SLC4A4: variants seen among roughly 807,000 people sequenced by gnomAD.
SLC4A4 encodes the protein electrogenic sodium bicarbonate cotransporter 1.
SLC4A4 carries 27 observed loss-of-function variants against 111.5 expected under a neutral mutation model. The ratio of observed to expected loss-of-function variants is 0.24; its 90% CI spans 0.18 to 0.33. The LOEUF (loss-of-function observed/expected upper bound fraction) is 0.33, where lower values mean the gene tolerates loss of function less well. Among genes scored for constraint, SLC4A4 ranks in the 10% least tolerant of loss-of-function variants. The pLI is 1.00. For missense variants in SLC4A4, 909 were observed against 1,315.5 expected (o/e 0.69, Z 4.78); for synonymous variants, 443 against 463.4 (o/e 0.96, Z 0.57).
chr4:71,560,381 T>A (rs893713315), intron 23 of SLC4A4, 127 bp downstream of exon 23: 2 of 1,088,946 alleles, frequency 1.8e-6, no homozygotes, highest in Admixed American at 2.2e-5. Flanking sequence ...ATGTGGTGTA[T>A]TACTCATTTC....
intron 1 of SLC4A4, among the ~76,000 whole-genome samples, chr4:71,084,982 TAA>T (rs1742116022): frequency 3.3e-5 from 5 of 152,238 alleles, no homozygotes; most frequent in Non-Finnish European, 5.9e-5. Flanking sequence ...ATCGCCACAC[TAA>T]CTTCCACAAT....
upstream of SLC4A4, among the ~76,000 whole-genome samples, chr4:71,186,475 G>T (rs139926501): frequency 1.3e-3 from 192 of 152,286 alleles, 1 homozygote; most frequent in African/African-American, 4.4e-3. Flanking sequence ...CAAAAAGCTG[G>T]ACCTAGGACC....
chr4:71,181,253 A>G (rs577743010), intron 2 of SLC4A4, among the ~76,000 whole-genome samples: 25 of 151,280 alleles, frequency 1.7e-4, no homozygotes, highest in Middle Eastern at 3.4e-3. Flanking sequence ...ATTAGGAGAT[A>G]TATCTAATGT....
At chr4:71,285,974 C>T (rs905559113) in intron 3 of SLC4A4, among the ~76,000 whole-genome samples, 8 of 152,144 alleles carry the variant, frequency 5.3e-5, no homozygotes, top group African/African-American at 1.9e-4. Context: ...CGCAGTGGTT[C>T]ACACCTGTAA....
chr4:71,358,396 C>T (rs1394800376), intron 6 of SLC4A4, among the ~76,000 whole-genome samples: 1 of 151,192 alleles, frequency 6.6e-6, no homozygotes, highest in Non-Finnish European at 1.5e-5. Context: ...TTCAGAATAA[C>T]ATAAAACCGG....
At chr4:71,432,065 C>T (rs1207485066) in intron 7 of SLC4A4, among the ~76,000 whole-genome samples, 1 of 152,134 alleles carries the variant, frequency 6.6e-6, no homozygotes, top group Admixed American at 6.6e-5. Context: ...GAAATGAGCA[C>T]TTATGAAGTT....
At chr4:71,481,908 AAGTT>A (rs33924458) in intron 14 of SLC4A4, among the ~76,000 whole-genome samples, 25,516 of 151,528 alleles carry the variant, frequency 0.17, 2,416 homozygotes, top group South Asian at 0.32. Flanking sequence ...GGCTACATCT[AAGTT>A]AGCCAGATTC....
intron 6 of SLC4A4, among the ~76,000 whole-genome samples, chr4:71,358,440 A>C (rs1453960650): frequency 3.3e-5 from 5 of 152,190 alleles, no homozygotes; most frequent in African/African-American, 1.2e-4. Flanking sequence ...ACTGAATTGC[A>C]ACTCAGCCAC....
intron 15 of SLC4A4, among the ~76,000 whole-genome samples, chr4:71,491,648 C>G (rs978432161): frequency 1.3e-5 from 2 of 151,846 alleles, no homozygotes; most frequent in African/African-American, 4.8e-5. Context: ...TAGGCTCTGA[C>G]CACTCACAAC....
intron 16 of SLC4A4, among the ~76,000 whole-genome samples, chr4:71,514,727 A>G (rs905578451): frequency 9.9e-5 from 15 of 152,124 alleles, no homozygotes; most frequent in Middle Eastern, 3.2e-3. Context: ...TTTAATTGGC[A>G]TGTTTCCAGG....
chr4:71,402,553 T>C (rs1202455713), intron 7 of SLC4A4, among the ~76,000 whole-genome samples: 1 of 152,170 alleles, frequency 6.6e-6, no homozygotes, highest in Non-Finnish European at 1.5e-5. Context: ...TTTTCTGAGG[T>C]TATAATAATT....
intron 22 of SLC4A4, 34 bp downstream of exon 22, chr4:71,557,919 A>C (rs967654532): frequency 1.3e-6 from 2 of 1,535,260 alleles, no homozygotes; most frequent in Non-Finnish European, 1.8e-6. Flanking sequence ...TACCTGTGAG[A>C]TTATATGAGT....
intron 4 of SLC4A4, among the ~76,000 whole-genome samples, chr4:71,345,083 T>G (rs1729207512): frequency 6.6e-6 from 1 of 152,134 alleles, no homozygotes; most frequent in African/African-American, 2.4e-5. Context: ...AAGTTAGAAC[T>G]TTGAATTTTC....
At chr4:71,299,194 C>T (rs1002562662) in intron 3 of SLC4A4, among the ~76,000 whole-genome samples, 2 of 152,202 alleles carry the variant, frequency 1.3e-5, no homozygotes, top group Non-Finnish European at 2.9e-5. Context: ...AGCCAATTGA[C>T]TACTGACCAG....
At chr4:71,302,413 T>C (rs1725346110) in intron 3 of SLC4A4, among the ~76,000 whole-genome samples, 1 of 152,218 alleles carries the variant, frequency 6.6e-6, no homozygotes, top group African/African-American at 2.4e-5. Flanking sequence ...CTCTGATTTT[T>C]CTCTATGCTC....
At chr4:71,556,788 G>A (rs1461526648) in intron 21 of SLC4A4, among the ~76,000 whole-genome samples, 1 of 151,890 alleles carries the variant, frequency 6.6e-6, no homozygotes, top group Non-Finnish European at 1.5e-5. Context: ...CCTTTAAGTA[G>A]GAAATCACTA....
At position 71,349,767 on chromosome 4, in the gene SLC4A4, T is replaced by C. The variant is rs1729648946; in HGVS notation, c.390-145T>C. On this transcript the variant is annotated intron_variant, in intron 4 of 25. Coordinates refer to ENST00000264485, the MANE Select transcript of SLC4A4 (RefSeq NM_001098484.3). Reference sequence around the variant, plus strand: ...GGGTGTGTTTATGAAGATTATGTAATTAATGATCTAATAAGCTATTAATAC... The same window carrying C: ...GGGTGTGTTTATGAAGATTATGTAACTAATGATCTAATAAGCTATTAATAC... 6 of 721,806 alleles carry C rather than the reference T, an allele frequency of 8.3e-6. No individual in the cohort carries two copies. In the South Asian group the frequency reaches 9.6e-5, roughly 12 times the overall value. 44.7% of individuals were successfully genotyped at this position (721,806 alleles called of 1,614,324 possible). A position where few individuals can be genotyped will look rare whatever the true frequency, so the allele number is the denominator to read the frequency against.
chr4:71,535,197 G>A (rs1269199411), intron 18 of SLC4A4, among the ~76,000 whole-genome samples: 1 of 152,094 alleles, frequency 6.6e-6, no homozygotes, highest in Non-Finnish European at 1.5e-5. Context: ...CCATATGAGG[G>A]AAGCATGAAA....
intron 1 of SLC4A4, among the ~76,000 whole-genome samples, chr4:71,073,656 C>T (rs998754421): frequency 2.0e-5 from 3 of 152,088 alleles, no homozygotes; most frequent in African/African-American, 7.2e-5. Flanking sequence ...TTTCCCTCCA[C>T]TGGAATGTAA....
Sources: gnomAD v4.1 joint callset for allele counts (sites outside exome capture counted in the v4.1 genomes callset) on GRCh38, gnomAD v4.1.1 for gene constraint, MANE v1.5 for transcripts, NCBI Gene and HGNC (gene_info 2026-07-23, HGNC 2026-07-21) for gene names.